Variants in CMYA5 observed in about 807,000 individuals in gnomAD.
The protein encoded by CMYA5 is cardiomyopathy associated 5.
A neutral mutation model predicts 318.9 loss-of-function variants in CMYA5; 246 were observed. That is an observed-to-expected ratio of 0.77 (90% CI 0.70 to 0.86). The LOEUF (loss-of-function observed/expected upper bound fraction) is 0.86. Ranked by LOEUF, CMYA5 falls within the 40% of genes least tolerant of loss-of-function variation. The probability of loss-of-function intolerance (pLI) is 0.00; values close to 1 mark genes in which losing one functional copy is unlikely to be tolerated. For synonymous variants in CMYA5, 1,641 were observed against 1,729.5 expected (o/e 0.95, Z 1.27); for missense variants, 4,589 against 4,678.2 (o/e 0.98, Z 0.56).
intron 1 of CMYA5, among the ~76,000 whole-genome samples, chr5:79,719,490 A>G (rs1325725016): frequency 6.6e-6 from 1 of 152,208 alleles, no homozygotes; most frequent in Non-Finnish European, 1.5e-5. Context: ...ACATTTAATG[A>G]AATTCATTTT....
chr5:79,738,636 A>G lies in CMYA5; in HGVS notation c.9871A>G (p.Arg3291Gly). Reference protein sequence around the residue: ...EIWGKFGTICREKSLEEQKGV... With the variant: ...EIWGKFGTICGEKSLEEQKGV... ...TTGGGGAAAGTTTGGAACTATTTGCAGGGAGAAGAGTCTGGAAGAACAGAA... is the reference window on the plus strand; with the variant it reads ...TTGGGGAAAGTTTGGAACTATTTGCGGGGAGAAGAGTCTGGAAGAACAGAA... The change falls in exon 2 of 13, where the codon AGG becomes GGG. Residue 3291 changes from arginine (R) to glycine (G), a missense_variant. By Grantham distance (125) the Arg-to-Gly change is moderately radical. Coordinates refer to ENST00000446378, the MANE Select transcript of CMYA5 (RefSeq NM_153610.5). 6.2e-7 allele frequency: 1 copy of G among 1,613,932 alleles called. No individual in the cohort carries two copies. The highest frequency in any genetic ancestry group is 8.5e-7 in the Non-Finnish European group (1 of 1,179,850).
chr5:79,706,897 GT>G (rs1157075768), intron 1 of CMYA5, among the ~76,000 whole-genome samples: 2 of 151,958 alleles, frequency 1.3e-5, no homozygotes, highest in East Asian at 3.9e-4. Flanking sequence ...TGTTTCCTAG[GT>G]TCATGTTGCC....
rs569693429 is a variant in CMYA5, at chr5:79,777,503, G to A, written c.11556-11468G>A. 2.6e-5 allele frequency among the ~76,000 whole-genome samples: 4 copies of A among 152,268 alleles called. No homozygotes were observed. In the South Asian group the frequency reaches 6.2e-4, roughly 24 times the overall value. On this transcript the variant is annotated intron_variant, in intron 9 of 12. Transcript: ENST00000446378. ...AAAAAAATTTTAGGCCAGGTGTGATGGCTCATGTCTGTAACCCCAGCACTT... is the reference window on the plus strand; with the variant it reads ...AAAAAAATTTTAGGCCAGGTGTGATAGCTCATGTCTGTAACCCCAGCACTT...
chr5:79,761,350 T>C (rs960766012), intron 7 of CMYA5, among the ~76,000 whole-genome samples: 2 of 152,206 alleles, frequency 1.3e-5, no homozygotes, highest in African/African-American at 4.8e-5. Flanking sequence ...TGGAAGGTCA[T>C]ACTGAATACC....
At position 79,730,764 on chromosome 5, in the gene CMYA5, C is replaced by T; in HGVS notation, c.1999C>T (p.Pro667Ser). 6.2e-7 allele frequency: 1 copy of T among 1,613,918 alleles called. No individual in the cohort carries two copies. The highest frequency in any genetic ancestry group is 8.5e-7 in the Non-Finnish European group (1 of 1,179,866). The change falls in exon 2 of 13, where the codon CCA (proline) becomes TCA (serine). Residue 667 changes from proline to serine, a missense_variant. Physicochemically the swap from Pro to Ser is moderately conservative, Grantham distance 74. Around this residue, in one of 3 missense-constraint regions of CMYA5, gnomAD observed 2,132 missense variants for 2,131.3 expected, o/e 1.00. Coordinates refer to ENST00000446378, the MANE Select transcript of CMYA5 (RefSeq NM_153610.5). The stretch of plus-strand genomic sequence containing the variant: ...TGAGAAGACTTCAGAGAACCAGTCT[C>T]CACTGTTTTCAACAGTTACACCAGA... ...TTEKTSENQS[P>S]LFSTVTPEYM...
At chr5:79,798,166 G>C (rs947081853) in intron 12 of CMYA5, among the ~76,000 whole-genome samples, 2 of 151,430 alleles carry the variant, frequency 1.3e-5, no homozygotes, top group African/African-American at 4.9e-5. Context: ...CAATGAAGTT[G>C]CCAACTTGCC....
At chr5:79,789,128 G>A (rs1164986026) in intron 10 of CMYA5, 24 bp downstream of exon 10, 1 of 1,611,590 alleles carries the variant, frequency 6.2e-7, no homozygotes, top group Non-Finnish European at 8.5e-7. Context: ...TGCACACAGT[G>A]AGCTATTTCC....
In CMYA5 at chr5:79,731,087, A is replaced by G. The variant is rs200307807; in HGVS notation, c.2322A>G (p.Thr774=). The change falls in exon 2 of 13, where the codon ACA becomes ACG. Residue 774 remains threonine, a synonymous_variant. Coordinates refer to ENST00000446378, the MANE Select transcript of CMYA5 (RefSeq NM_153610.5). ...AGTCACCACTGCCTTCTACTGCCAC[A>G]TCAGAACACGTGGTCCCATCAGAAG... is the stretch of plus-strand genomic sequence containing the variant. ...ECQSPLPSTA[T]SEHVVPSEGE... 2 of 1,613,888 alleles carry G rather than the reference A, an allele frequency of 1.2e-6. No homozygotes were observed. Among genetic ancestry groups the G allele is most frequent in the Non-Finnish European group, 1.7e-6 (2 of 1,179,898 alleles).
At chr5:79,693,340 T>C (rs2151073615) in intron 1 of CMYA5, among the ~76,000 whole-genome samples, 1 of 151,514 alleles carries the variant, frequency 6.6e-6, no homozygotes, top group South Asian at 2.1e-4. Context: ...CACACAATTT[T>C]TTTTTTTTTT....
chr5:79,799,852 T>TTTAA lies in CMYA5; in HGVS notation c.*237_*238insTAAT. 1.3e-5 allele frequency: 4 copies of TTTAA among 316,724 alleles called. No homozygotes were observed. The highest frequency in any genetic ancestry group is 5.8e-5 in the East Asian group (1 of 17,096). 19.6% of individuals were successfully genotyped at this position (316,724 alleles called of 1,614,324 possible). A position where few individuals can be genotyped will look rare whatever the true frequency, so the allele number is the denominator to read the frequency against. The stretch of plus-strand genomic sequence containing the variant: ...CCTCCACTCTTTAGTTTATATAAGT[T>TTTAA]TGAGTTCTTTCCTAAATTAAAAGAT... On this transcript the variant is annotated 3_prime_UTR_variant, in exon 13 of 13. Transcript: ENST00000446378.
At chr5:79,785,609 G>T (rs1352517761) in intron 9 of CMYA5, among the ~76,000 whole-genome samples, 1 of 151,638 alleles carries the variant, frequency 6.6e-6, no homozygotes, top group Admixed American at 6.6e-5. Context: ...TTGATTTCTT[G>T]TATCAGTTTT....
intron 1 of CMYA5, among the ~76,000 whole-genome samples, chr5:79,716,485 G>A (rs1827519454): frequency 6.6e-6 from 1 of 152,246 alleles, no homozygotes; most frequent in South Asian, 2.1e-4. Flanking sequence ...ATGGGGAAGA[G>A]TGATAAAGAG....
chr5:79,729,348 A>G lies in CMYA5; in HGVS notation c.583A>G (p.Lys195Glu). The G allele has an allele frequency of 6.2e-7, 1 of 1,613,008 alleles. No individual in the cohort carries two copies. The highest frequency in any genetic ancestry group is 8.5e-7 in the Non-Finnish European group (1 of 1,179,666). The change falls in exon 2 of 13, where the codon AAG becomes GAG. Residue 195 changes from lysine (K) to glutamate (E), a missense_variant. Coordinates refer to ENST00000446378, the MANE Select transcript of CMYA5 (RefSeq NM_153610.5). The stretch of plus-strand genomic sequence containing the variant: ...TGGCATTTATGATAAAGCAAGAAAA[A>G]AGAAGACCACTTCAAATACACCTCC... ...YTGIYDKARKKKTTSNTPPIT... is the reference protein window; with the variant it reads ...YTGIYDKARKEKTTSNTPPIT...
chr5:79,715,876 G>C (rs1827506295), intron 1 of CMYA5, among the ~76,000 whole-genome samples: 1 of 152,152 alleles, frequency 6.6e-6, no homozygotes, highest in Admixed American at 6.5e-5. Flanking sequence ...CTCTAAAACT[G>C]TTCTGTGCTG....
chr5:79,776,189 G>T (rs184653759), intron 9 of CMYA5, among the ~76,000 whole-genome samples: 207 of 152,184 alleles, frequency 1.4e-3, no homozygotes, highest in Admixed American at 4.3e-3. Context: ...TTCAAGACCA[G>T]CCTGGCCATT....
intron 1 of CMYA5, among the ~76,000 whole-genome samples, chr5:79,698,917 G>C (rs994773875): frequency 9.2e-5 from 14 of 152,180 alleles, no homozygotes; most frequent in Non-Finnish European, 1.9e-4. Flanking sequence ...CAGCACTTTG[G>C]GAGGCTGAGG....
chr5:79,711,078 A>G (rs1325999410), intron 1 of CMYA5, among the ~76,000 whole-genome samples: 1 of 152,262 alleles, frequency 6.6e-6, no homozygotes, highest in Non-Finnish European at 1.5e-5. Context: ...AAAGGCTACT[A>G]GCAAGTTATT....
At chr5:79,713,921 A>G (rs967543387) in intron 1 of CMYA5, among the ~76,000 whole-genome samples, 5 of 151,462 alleles carry the variant, frequency 3.3e-5, no homozygotes, top group African/African-American at 1.2e-4. Context: ...GGTTGTAAGG[A>G]CAGGCACATG....
intron 5 of CMYA5, among the ~76,000 whole-genome samples, chr5:79,751,754 C>T (rs112882380): frequency 7.9e-5 from 12 of 152,158 alleles, no homozygotes; most frequent in Admixed American, 2.0e-4. Flanking sequence ...GTGAAGCAGA[C>T]GGACAAAAAC....
Sources: gnomAD v4.1 joint callset for allele counts (sites outside exome capture counted in the v4.1 genomes callset) on GRCh38, gnomAD v4.1.1 for gene constraint, gnomAD v4.1.1 regional missense constraint, MANE v1.5 for transcripts, NCBI Gene and HGNC (gene_info 2026-07-23, HGNC 2026-07-21) for gene names.